The following SLC24A4 variants were observed in gnomAD, a reference collection of about 807,000 sequenced individuals.
The protein encoded by SLC24A4 is sodium/potassium/calcium exchanger 4.
A neutral mutation model predicts 79.0 loss-of-function variants in SLC24A4; 53 were observed. The observed-to-expected ratio is 0.67, with a 90% CI of 0.54 to 0.84. The LOEUF is 0.84. Among genes scored for constraint, SLC24A4 ranks in the 40% least tolerant of loss-of-function variants. SLC24A4 has a pLI of 0.00. For synonymous variants in SLC24A4, 323 were observed against 323.8 expected (o/e 1.00, Z 0.03); for missense variants, 731 against 822.0 (o/e 0.89, Z 1.35).
chr14:92,393,586 C>G (rs970184640), intron 2 of SLC24A4, among the ~76,000 whole-genome samples: 1 of 145,838 alleles, frequency 6.9e-6, no homozygotes, highest in African/African-American at 2.6e-5. Flanking sequence ...CGCTCTGTCG[C>G]CCAGGATGGA....
intron 2 of SLC24A4, among the ~76,000 whole-genome samples, chr14:92,368,307 A>T (rs1036116634): frequency 6.6e-6 from 1 of 152,046 alleles, no homozygotes; most frequent in African/African-American, 2.4e-5. Context: ...AAGCTTCATG[A>T]CCCTTCACTG....
intron 12 of SLC24A4, among the ~76,000 whole-genome samples, chr14:92,461,986 A>G (rs527317942): frequency 4.5e-4 from 69 of 152,216 alleles, no homozygotes; most frequent in Non-Finnish European, 6.9e-4. Flanking sequence ...TCTTCATTCC[A>G]GGCACTTTCA....
rs28380375 is a variant in SLC24A4 at position 92,424,467 on chromosome 14, T to C, written c.242-9445T>C. Among the ~76,000 whole-genome samples, 761 of 152,314 alleles carry C rather than the reference T, an allele frequency of 5.0e-3. 6 individuals carry two copies. Among genetic ancestry groups the C allele is most frequent in the African/African-American group, 0.017 (702 of 41,580 alleles). Reference sequence around the variant, plus strand: ...TCTGCCTCTGGTGAGGGCTTCAGGCTGTTCTCACTGATGGCAGAAGGTGAA... The same window carrying C: ...TCTGCCTCTGGTGAGGGCTTCAGGCCGTTCTCACTGATGGCAGAAGGTGAA... On this transcript the variant is annotated intron_variant, in intron 2 of 16. Transcript: ENST00000532405.
At chr14:92,393,565 T>G (rs1889606739) in intron 2 of SLC24A4, among the ~76,000 whole-genome samples, 2 of 136,026 alleles carry the variant, frequency 1.5e-5, no homozygotes, top group African/African-American at 6.0e-5. Flanking sequence ...TTTTTTTTTT[T>G]TACGGAGTCT....
At chr14:92,386,786 A>G (rs1889181280) in intron 2 of SLC24A4, among the ~76,000 whole-genome samples, 1 of 152,130 alleles carries the variant, frequency 6.6e-6, no homozygotes, top group Non-Finnish European at 1.5e-5. Flanking sequence ...TTTGTGCAGG[A>G]TGATTTGCCC....
intron 2 of SLC24A4, among the ~76,000 whole-genome samples, chr14:92,357,827 G>A (rs759953628): frequency 2.0e-5 from 3 of 152,188 alleles, no homozygotes; most frequent in Admixed American, 6.5e-5. Flanking sequence ...CTTAAAAATG[G>A]TTACAATGGT....
Position 92,456,622 on chromosome 14 carries a change from G to T in SLC24A4, c.1255+14G>T. The T allele has an allele frequency of 6.2e-7, 1 of 1,611,164 alleles. No individual in the cohort carries two copies. Among genetic ancestry groups the T allele is most frequent in the South Asian group, 1.1e-5 (1 of 90,946 alleles). On this transcript the variant is annotated intron_variant, in intron 12 of 16. Coordinates refer to ENST00000532405, the MANE Select transcript of SLC24A4 (RefSeq NM_153646.4). ...TCTCCGTGCCGGGTGAGTTCTGGGG[G>T]TACTGGACTCTCGGGCTACATTTTT...
chr14:92,356,890 G>A (rs923770140), intron 2 of SLC24A4, among the ~76,000 whole-genome samples: 7 of 152,214 alleles, frequency 4.6e-5, no homozygotes, highest in Non-Finnish European at 7.3e-5. Context: ...CTCATGGCAC[G>A]TGCAGGACAG....
At chr14:92,370,360 T>G (rs1230752595) in intron 2 of SLC24A4, among the ~76,000 whole-genome samples, 1 of 152,166 alleles carries the variant, frequency 6.6e-6, no homozygotes, top group Non-Finnish European at 1.5e-5. Flanking sequence ...GTTGGGAAGA[T>G]GGAGATCATA....
intron 2 of SLC24A4, among the ~76,000 whole-genome samples, chr14:92,381,538 G>A (rs1471929270): frequency 2.0e-5 from 3 of 152,074 alleles, no homozygotes; most frequent in African/African-American, 7.2e-5. Flanking sequence ...CATGGCACAT[G>A]TATACCTACG....
chr14:92,474,843 G>GTGTGTGTGTGTGTGTATATATATA (rs779007741), intron 12 of SLC24A4, among the ~76,000 whole-genome samples: 2 of 23,882 alleles, frequency 8.4e-5, no homozygotes, highest in Non-Finnish European at 1.2e-4. Context: ...GTGTGTGTGT[G>GTGTGTGTGTGTGTGTATATATATA]TATATATATA....
chr14:92,484,853 A>G, intron 13 of SLC24A4: 1 of 985,444 alleles, frequency 1.0e-6, no homozygotes, highest in East Asian at 1.1e-4. Flanking sequence ...ATTACCTGGT[A>G]ACAGTCAGAT....
At chr14:92,396,229 A>G (rs1889769259) in intron 2 of SLC24A4, among the ~76,000 whole-genome samples, 1 of 152,210 alleles carries the variant, frequency 6.6e-6, no homozygotes, top group Non-Finnish European at 1.5e-5. Flanking sequence ...TTTGCATCAC[A>G]GGGTAAAGCG....
At chr14:92,361,249 A>C (rs1307833099) in intron 2 of SLC24A4, among the ~76,000 whole-genome samples, 1 of 151,624 alleles carries the variant, frequency 6.6e-6, no homozygotes, top group Non-Finnish European at 1.5e-5. Context: ...AGCATTTGAA[A>C]ATGCAAAAAT....
intron 2 of SLC24A4, among the ~76,000 whole-genome samples, chr14:92,393,718 G>T (rs1022374306): frequency 6.6e-6 from 1 of 151,394 alleles, no homozygotes; most frequent in African/African-American, 2.4e-5. Flanking sequence ...TAATTAAAAA[G>T]AATTTTTTAA....
At chr14:92,414,202 C>T (rs1173157799) in intron 2 of SLC24A4, among the ~76,000 whole-genome samples, 2 of 152,072 alleles carry the variant, frequency 1.3e-5, no homozygotes, top group Non-Finnish European at 2.9e-5. Flanking sequence ...GGGGGCTGTC[C>T]TGTGCTTTGA....
intron 2 of SLC24A4, among the ~76,000 whole-genome samples, chr14:92,356,725 G>T (rs1887202761): frequency 6.6e-6 from 1 of 152,192 alleles, no homozygotes; most frequent in Admixed American, 6.5e-5. Flanking sequence ...CAAAGCTTCA[G>T]TGGGCCCCTA....
intron 2 of SLC24A4, among the ~76,000 whole-genome samples, chr14:92,366,711 C>T (rs900034924): frequency 3.9e-5 from 6 of 152,210 alleles, no homozygotes; most frequent in Non-Finnish European, 7.3e-5. Context: ...AAATCCACAC[C>T]GATATGGCCT....
intron 14 of SLC24A4, among the ~76,000 whole-genome samples, chr14:92,487,731 G>A (rs1304880444): frequency 5.9e-5 from 9 of 152,168 alleles, no homozygotes; most frequent in Non-Finnish European, 1.3e-4. Flanking sequence ...CCACAATGGG[G>A]TGCCTTAAAA....
Sources: gnomAD v4.1 joint callset for allele counts (sites outside exome capture counted in the v4.1 genomes callset) on GRCh38, gnomAD v4.1.1 for gene constraint, MANE v1.5 for transcripts, NCBI Gene and HGNC (gene_info 2026-07-23, HGNC 2026-07-21) for gene names.